ARMC3: variants seen among roughly 807,000 people sequenced by gnomAD.
ARMC3 encodes the protein armadillo repeat containing 3.
In ARMC3, 74 loss-of-function variants were observed where a neutral mutation model predicts 90.3. The observed-to-expected ratio is 0.82, with a 90% CI of 0.68 to 0.99. The LOEUF (loss-of-function observed/expected upper bound fraction) is 0.99. Among genes scored for constraint, ARMC3 ranks in the 50% least tolerant of loss-of-function variants. ARMC3 has a pLI of 0.00. For missense variants in ARMC3, 958 were observed against 1,042.8 expected (o/e 0.92, Z 1.12); for synonymous variants, 334 against 361.8 (o/e 0.92, Z 0.87).
intron 16 of ARMC3, among the ~76,000 whole-genome samples, chr10:23,021,683 T>C (rs373117270): frequency 2.6e-5 from 4 of 152,212 alleles, no homozygotes; most frequent in East Asian, 3.8e-4. Context: ...TTTTTGCTTG[T>C]TGAATTGTTT....
intron 2 of ARMC3, among the ~76,000 whole-genome samples, chr10:22,944,943 C>T (rs147780229): frequency 0.012 from 1,807 of 152,270 alleles, 13 homozygotes; most frequent in Middle Eastern, 0.051. Context: ...AAAGGGTCTA[C>T]GAGCTTTAAG....
At position 22,959,523 on chromosome 10, in the gene ARMC3, T is replaced by G; in HGVS notation, c.486T>G (p.Pro162=). 1.2e-6 allele frequency: 2 copies of G among 1,611,602 alleles called. No individual in the cohort carries two copies. Among genetic ancestry groups the G allele is most frequent in the East Asian group, 4.5e-5 (2 of 44,842 alleles). The change falls in exon 6 of 19, where the codon CCT becomes CCG. Residue 162 remains proline, a synonymous_variant. Transcript: ENST00000298032. ...CACTCATCAGACTACTGAGTAGCCC[T>G]GACCCGGATGTAAAGAAGAACTCTA... ...LEPLIRLLSS[P]DPDVKKNSME... is the part of the protein sequence containing the mutation.
intron 10 of ARMC3, among the ~76,000 whole-genome samples, chr10:22,990,540 AGCT>A (rs1242625995): frequency 1.3e-5 from 2 of 152,204 alleles, no homozygotes; most frequent in African/African-American, 4.8e-5. Flanking sequence ...CCAGGTATTA[AGCT>A]AAGTCCTTGA....
chr10:22,959,674 C>T, intron 6 of ARMC3, 100 bp downstream of exon 6: 1 of 1,162,656 alleles, frequency 8.6e-7, no homozygotes, highest in Non-Finnish European at 1.2e-6. Context: ...ACCAGTTTTG[C>T]ATCATCAGAT....
At chr10:22,932,114 T>C in intron 2 of ARMC3, 70 bp downstream of exon 2, 1 of 1,411,060 alleles carries the variant, frequency 7.1e-7, no homozygotes, top group African/African-American at 1.4e-5. Context: ...TCACACAGTT[T>C]GGCATGTACC....
intron 2 of ARMC3, among the ~76,000 whole-genome samples, 163 bp from the exon 3 acceptor site, chr10:22,945,981 C>A (rs754208776): frequency 1.3e-5 from 2 of 152,170 alleles, no homozygotes; most frequent in African/African-American, 2.4e-5. Context: ...GTTTCTCTAG[C>A]GGTTGATGTA....
At chr10:22,984,134 TA>T (rs1446772547) in intron 10 of ARMC3, among the ~76,000 whole-genome samples, 1 of 152,238 alleles carries the variant, frequency 6.6e-6, no homozygotes, top group Non-Finnish European at 1.5e-5. Flanking sequence ...TCCTAATTTT[TA>T]AAAATGCACA....
intron 16 of ARMC3, among the ~76,000 whole-genome samples, chr10:23,028,010 C>A (rs1838783761): frequency 6.6e-6 from 1 of 152,122 alleles, no homozygotes; most frequent in African/African-American, 2.4e-5. Flanking sequence ...AGCATGGTGG[C>A]ACACACCTGT....
chr10:22,962,371 C>T (rs1229228323), intron 7 of ARMC3, among the ~76,000 whole-genome samples: 3 of 152,076 alleles, frequency 2.0e-5, no homozygotes, highest in African/African-American at 7.2e-5. Context: ...ATGGTTTTCT[C>T]TGGGATAAAG....
chr10:22,975,965 A>T (rs999024259), intron 8 of ARMC3, among the ~76,000 whole-genome samples: 2 of 152,168 alleles, frequency 1.3e-5, no homozygotes, highest in East Asian at 3.9e-4. Context: ...CCTAGTTTTA[A>T]TGAATAGATG....
chr10:22,941,344 A>G (rs1834321765), intron 2 of ARMC3, among the ~76,000 whole-genome samples: 1 of 152,150 alleles, frequency 6.6e-6, no homozygotes, highest in East Asian at 1.9e-4. Context: ...TCAAACTTAC[A>G]CTGAAAATTA....
rs202058844 is a variant in ARMC3, at chr10:22,930,627, G to A, written c.-1-1369G>A. 1.4e-3 allele frequency among the ~76,000 whole-genome samples: 208 copies of A among 152,274 alleles called. 1 individual carries two copies. Among genetic ancestry groups the A allele is most frequent in the East Asian group, 3.9e-4 (2 of 5,174 alleles). The stretch of plus-strand genomic sequence containing the variant: ...AGTATCTAGGAGTTTCTATGAAGAC[G>A]TGGCTTTTTAATGTATGTGATAAAT... On this transcript the variant is annotated intron_variant, in intron 1 of 18. Transcript: ENST00000298032.
chr10:22,986,563 CAAAAA>C (rs869131638), intron 10 of ARMC3, among the ~76,000 whole-genome samples: 1 of 109,338 alleles, frequency 9.1e-6, no homozygotes, highest in Admixed American at 8.9e-5. Flanking sequence ...AAAAAAAAAA[CAAAAA>C]AAAAAAAAAC....
At chr10:22,991,709 A>G (rs946276740) in intron 10 of ARMC3, among the ~76,000 whole-genome samples, 7 of 152,194 alleles carry the variant, frequency 4.6e-5, no homozygotes, top group African/African-American at 1.4e-4. Context: ...GGCCTAGAGA[A>G]TGATACAGGG....
chr10:23,002,000 G>A lies in ARMC3; in HGVS notation c.1507G>A (p.Ala503Thr), dbSNP rs1237183556. Residue 503 changes from alanine to threonine, a missense_variant, in exon 12 of 19, where the codon GCA becomes ACA. By Grantham distance (58) the Ala-to-Thr change is moderately conservative. Coordinates refer to ENST00000298032, the MANE Select transcript of ARMC3 (RefSeq NM_173081.5). The stretch of plus-strand genomic sequence containing the variant: ...TGAAGTGAGGAAGCACGCCAGTTGG[G>A]CAGTGATGGTCTGTGCTGGTGACGA... ...NDEVRKHASWAVMVCAGDELT... is the reference protein window; with the variant it reads ...NDEVRKHASWTVMVCAGDELT... 8 of 1,613,804 alleles carry A rather than the reference G, an allele frequency of 5.0e-6. No homozygotes were observed. The highest frequency in any genetic ancestry group is 6.8e-6 in the Non-Finnish European group (8 of 1,179,864).
chr10:23,025,370 T>A (rs1234675072), intron 16 of ARMC3, among the ~76,000 whole-genome samples: 1 of 152,068 alleles, frequency 6.6e-6, no homozygotes, highest in Admixed American at 6.6e-5. Flanking sequence ...TCAGGAAATT[T>A]AAAATACTTG....
intron 16 of ARMC3, among the ~76,000 whole-genome samples, chr10:23,019,614 G>T (rs1023813207): frequency 6.6e-6 from 1 of 152,092 alleles, no homozygotes; most frequent in African/African-American, 2.4e-5. Flanking sequence ...TGTGATCTTG[G>T]TTCACTGCAA....
intron 2 of ARMC3, among the ~76,000 whole-genome samples, chr10:22,939,671 T>G (rs976862423): frequency 6.6e-6 from 1 of 152,058 alleles, no homozygotes; most frequent in Admixed American, 6.6e-5. Flanking sequence ...GGAACACTTC[T>G]CCTCCCCCAG....
chr10:22,978,548 C>T (rs1836042276), intron 8 of ARMC3, among the ~76,000 whole-genome samples: 4 of 152,188 alleles, frequency 2.6e-5, no homozygotes, highest in Admixed American at 2.6e-4. Context: ...TATCATTTGT[C>T]TACTTTGTAT....
Sources: gnomAD v4.1 joint callset for allele counts (sites outside exome capture counted in the v4.1 genomes callset) on GRCh38, gnomAD v4.1.1 for gene constraint, MANE v1.5 for transcripts, NCBI Gene and HGNC (gene_info 2026-07-23, HGNC 2026-07-21) for gene names.